DAGLB: variants seen among roughly 807,000 people sequenced by gnomAD.
DAGLB encodes diacylglycerol lipase beta, also known as diacylglycerol lipase-beta.
Under a neutral mutation model 72.1 loss-of-function variants are expected in DAGLB, and 66 were observed. That is an observed-to-expected ratio of 0.92 (90% CI 0.75 to 1.12). The LOEUF (loss-of-function observed/expected upper bound fraction) is 1.12, where lower values mean the gene tolerates loss of function less well. DAGLB is among the 50% of genes most tolerant of loss of function. DAGLB has a pLI of 0.00. For synonymous variants in DAGLB, 414 were observed against 359.5 expected (o/e 1.15, Z -1.71); for missense variants, 1,065 against 884.9 (o/e 1.20, Z -2.58).
intron 6 of DAGLB, among the ~76,000 whole-genome samples, chr7:6,430,250 C>CATATGTATATATAT: frequency 2.2e-5 from 1 of 45,746 alleles, no homozygotes; most frequent in East Asian, 1.2e-3. Flanking sequence ...AATACATGTG[C>CATATGTATATATAT]ATATATATAT....
intron 6 of DAGLB, among the ~76,000 whole-genome samples, chr7:6,428,585 C>T (rs990269694): frequency 6.6e-6 from 1 of 151,522 alleles, no homozygotes; most frequent in Non-Finnish European, 1.5e-5. Flanking sequence ...CTCCCTGGTT[C>T]AAGCGATTCT....
At position 6,437,155 on chromosome 7, in the gene DAGLB, A is replaced by AAATAATAATAAT. The variant is rs36026233; in HGVS notation, c.248-634_248-623dup. On this transcript the variant is annotated intron_variant, in intron 2 of 14. Coordinates refer to ENST00000297056, the MANE Select transcript of DAGLB (RefSeq NM_139179.4). ...GGTGACAGAGCAAGACTCCGTCTCA[A>AAATAATAATAAT]AATAATAATAATAATAATAATAATA... Among the ~76,000 whole-genome samples the AAATAATAATAAT allele has an allele frequency of 1.2e-3, 150 of 125,494 alleles. 2 individuals carry two copies. The highest frequency in any genetic ancestry group is 2.6e-3 in the African/African-American group (91 of 35,114). The allele number at this position is 125,494 out of a possible 152,430, so 82.3% of individuals were successfully genotyped here. A position where few individuals can be genotyped will look rare whatever the true frequency, so the allele number is the denominator to read the frequency against.
At chr7:6,421,969 G>A (rs764561057) in intron 8 of DAGLB, 165 bp from the exon 9 acceptor site, 149 of 790,214 alleles carry the variant, frequency 1.9e-4, no homozygotes, top group Middle Eastern at 4.5e-4. Context: ...GAAACCCAGC[G>A]GTGGCTCCTG....
At chr7:6,411,004 C>G (rs1783709579) in intron 13 of DAGLB, among the ~76,000 whole-genome samples, 1 of 151,800 alleles carries the variant, frequency 6.6e-6, no homozygotes, top group Non-Finnish European at 1.5e-5. Flanking sequence ...CCTGCCTCAG[C>G]CACCAGAGTA....
rs1239050095 is a variant in DAGLB at position 6,422,023 on chromosome 7, T to C, written c.1141-219A>G. 9.1e-6 allele frequency: 6 copies of C among 658,698 alleles called. No individual in the cohort carries two copies. In the East Asian group the frequency reaches 1.8e-4, roughly 19 times the overall value. The allele number at this position is 658,698 out of a possible 1,614,324, so 40.8% of individuals were successfully genotyped here. ...CCAGCTCTGGGCCAGGCGTGAAGGG[T>C]GGAGGGGACCATGGAGTGTGCCTAA... On this transcript the variant is annotated intron_variant, in intron 8 of 14. Transcript: ENST00000297056.
At chr7:6,421,679 C>T (rs79949326) in intron 9 of DAGLB, 48 bp downstream of exon 9, 135,368 of 1,144,494 alleles carry the variant, frequency 0.12, 16,112 homozygotes, top group East Asian at 0.22. Context: ...CACCCATCTT[C>T]TGTGTGGTCA....
chr7:6,426,266 T>A, intron 6 of DAGLB, 152 bp from the exon 7 acceptor site: 1 of 1,106,490 alleles, frequency 9.0e-7, no homozygotes, highest in Non-Finnish European at 1.3e-6. Context: ...TTTTAAAACT[T>A]AATTTGATCG....
chr7:6,436,567 G>A (rs1233442562), intron 2 of DAGLB, 34 bp from the exon 3 acceptor site: 2 of 1,613,196 alleles, frequency 1.2e-6, no homozygotes, highest in African/African-American at 1.3e-5. Context: ...CTGCTCAGTT[G>A]CTTCCTCAGA....
At chr7:6,438,978 T>C (rs997415645) in intron 2 of DAGLB, among the ~76,000 whole-genome samples, 2 of 152,084 alleles carry the variant, frequency 1.3e-5, no homozygotes, top group Admixed American at 1.3e-4. Context: ...CCTAACACTT[T>C]GGGAGGCCGA....
intron 2 of DAGLB, among the ~76,000 whole-genome samples, chr7:6,438,502 A>C (rs1205568307): frequency 1.3e-5 from 2 of 152,100 alleles, no homozygotes; most frequent in East Asian, 1.9e-4. Flanking sequence ...GAAAAAAAAA[A>C]ACACAGTCCT....
At chr7:6,418,363 T>C (rs561608556) in intron 9 of DAGLB, among the ~76,000 whole-genome samples, 32 of 152,078 alleles carry the variant, frequency 2.1e-4, no homozygotes, top group Admixed American at 7.9e-4. Flanking sequence ...AGTGAGACTC[T>C]TTCTGAAAAA....
At chr7:6,432,667 A>AG (rs1215450937) in intron 5 of DAGLB, among the ~76,000 whole-genome samples, 170 bp downstream of exon 5, 2 of 148,728 alleles carry the variant, frequency 1.3e-5, no homozygotes, top group East Asian at 3.9e-4. Context: ...CTTAAAAAAA[A>AG]AAAAAAAAAA....
chr7:6,429,623 C>T (rs1019459947), intron 6 of DAGLB, among the ~76,000 whole-genome samples: 1 of 151,874 alleles, frequency 6.6e-6, no homozygotes, highest in African/African-American at 2.4e-5. Flanking sequence ...TTACCTGAGA[C>T]CGGGCCTGGT....
Position 6,416,757 on chromosome 7 carries a change from A to G in DAGLB, c.1300-3T>C. Reference sequence around the variant, plus strand: ...CCCACTATGACCAGCCGGTACTCCTAGAGGACAGACAGCAGAATGAGGTGA... The same window carrying G: ...CCCACTATGACCAGCCGGTACTCCTGGAGGACAGACAGCAGAATGAGGTGA... On this transcript the variant is annotated splice_polypyrimidine_tract_variant and splice_region_variant and intron_variant, in intron 10 of 14. Transcript: ENST00000297056. 1 of 1,613,822 alleles carries G rather than the reference A, an allele frequency of 6.2e-7. No individual in the cohort carries two copies. The highest frequency in any genetic ancestry group is 8.5e-7 in the Non-Finnish European group (1 of 1,179,866).
At chr7:6,418,588 A>G (rs1222614789) in intron 9 of DAGLB, among the ~76,000 whole-genome samples, 1 of 152,036 alleles carries the variant, frequency 6.6e-6, no homozygotes, top group African/African-American at 2.4e-5. Context: ...TTCGATTCTA[A>G]TAGGACGGGG....
chr7:6,429,095 C>T (rs764761256), intron 6 of DAGLB, among the ~76,000 whole-genome samples: 2 of 152,098 alleles, frequency 1.3e-5, no homozygotes, highest in East Asian at 1.9e-4. Flanking sequence ...TGAGCCACCA[C>T]GCCCGGCCTG....
chr7:6,422,759 C>T (rs1051094287), intron 8 of DAGLB: 1 of 152,412 alleles, frequency 6.6e-6, no homozygotes, highest in African/African-American at 2.4e-5. Flanking sequence ...GAATGAAAAC[C>T]TAACCACTGG....
chr7:6,416,988 G>T, intron 9 of DAGLB, 67 bp from the exon 10 acceptor site: 1 of 1,553,024 alleles, frequency 6.4e-7, no homozygotes, highest in Non-Finnish European at 8.9e-7. Context: ...GAGACTCAAA[G>T]ATGGGATGAC....
intron 5 of DAGLB, 113 bp from the exon 6 acceptor site, chr7:6,430,720 G>T: frequency 8.3e-7 from 1 of 1,208,014 alleles, no homozygotes; most frequent in Non-Finnish European, 1.1e-6. Context: ...CTCCTTCGTT[G>T]AATAGAACTC....
Sources: allele counts gnomAD v4.1 joint callset (sites outside exome capture counted in the v4.1 genomes callset), GRCh38; gene constraint gnomAD v4.1.1; transcripts MANE v1.5; gene names NCBI Gene and HGNC (gene_info 2026-07-23, HGNC 2026-07-21).